Variants in TGFB2 observed in about 807,000 individuals in gnomAD.
TGFB2 encodes the protein transforming growth factor beta-2 proprotein.
In TGFB2, 13 loss-of-function variants were observed where a neutral mutation model predicts 42.7. That is an observed-to-expected ratio of 0.30 (90% CI 0.20 to 0.48). TGFB2 has a LOEUF of 0.48. Among genes scored for constraint, TGFB2 ranks in the 20% least tolerant of loss-of-function variants. The pLI, the probability that TGFB2 is intolerant of heterozygous loss-of-function variation, is 0.99. For missense variants in TGFB2, 390 were observed against 517.5 expected (o/e 0.75, Z 2.39); for synonymous variants, 193 against 193.6 (o/e 1.00, Z 0.03).
At chr1:218,381,234 AG>A (rs1657947313) in intron 1 of TGFB2, among the ~76,000 whole-genome samples, 1 of 151,052 alleles carries the variant, frequency 6.6e-6, no homozygotes, top group Non-Finnish European at 1.5e-5. Flanking sequence ...TATTTGCCAA[AG>A]GCACATTTTT....
intron 1 of TGFB2, among the ~76,000 whole-genome samples, chr1:218,372,937 G>A (rs1325223657): frequency 2.0e-5 from 3 of 152,194 alleles, no homozygotes; most frequent in African/African-American, 4.8e-5. Context: ...AGCACTTTGG[G>A]AGACTGAGGT....
At chr1:218,439,295 A>G (rs898808665) in intron 6 of TGFB2, among the ~76,000 whole-genome samples, 6 of 152,070 alleles carry the variant, frequency 3.9e-5, no homozygotes, top group African/African-American at 1.4e-4. Flanking sequence ...TAGGGTTTCT[A>G]TTCTGCTCTT....
At chr1:218,380,902 G>A (rs1056724775) in intron 1 of TGFB2, among the ~76,000 whole-genome samples, 1 of 152,138 alleles carries the variant, frequency 6.6e-6, no homozygotes, top group African/African-American at 2.4e-5. Flanking sequence ...AGTGCCAAAT[G>A]TTCTGCTTTC....
At chr1:218,363,357 C>G in intron 1 of TGFB2, 2 of 1,614,004 alleles carry the variant, frequency 1.2e-6, no homozygotes, top group Non-Finnish European at 1.7e-6. Flanking sequence ...TGTTACAACA[C>G]CCTCTGGCTC....
At chr1:218,361,001 C>T (rs1278432610) in intron 1 of TGFB2, among the ~76,000 whole-genome samples, 1 of 152,202 alleles carries the variant, frequency 6.6e-6, no homozygotes, top group East Asian at 1.9e-4. Context: ...ACTACAGGCA[C>T]GTGGCACCAC....
At chr1:218,384,124 A>G (rs201549274) in intron 1 of TGFB2, among the ~76,000 whole-genome samples, 1 of 22,320 alleles carries the variant, frequency 4.5e-5, no homozygotes. Flanking sequence ...CATTAAAAAG[A>G]AAAAAAAAAA....
At chr1:218,406,704 G>C (rs958504475) in intron 2 of TGFB2, among the ~76,000 whole-genome samples, 14 of 152,268 alleles carry the variant, frequency 9.2e-5, no homozygotes, top group African/African-American at 3.4e-4. Context: ...GGCAGGAAGG[G>C]CAGGCACTGC....
chr1:218,388,926 T>C (rs1571860950), intron 1 of TGFB2, among the ~76,000 whole-genome samples: 1 of 152,326 alleles, frequency 6.6e-6, no homozygotes, highest in East Asian at 1.9e-4. Context: ...CAGCTGAATG[T>C]GCTTGCCCTT....
intron 1 of TGFB2, among the ~76,000 whole-genome samples, chr1:218,379,283 C>G (rs994920422): frequency 6.6e-6 from 1 of 151,678 alleles, no homozygotes; most frequent in Non-Finnish European, 1.5e-5. Context: ...CAGGCGCCCG[C>G]CACCACACCT....
chr1:218,395,685 C>A (rs2799091), intron 1 of TGFB2, among the ~76,000 whole-genome samples: 29,868 of 150,714 alleles, frequency 0.2, 3,032 homozygotes, highest in South Asian at 0.23. Context: ...AATCTCGGCT[C>A]ACTGCAAGCT....
chr1:218,408,658 C>T (rs777138173), intron 2 of TGFB2, among the ~76,000 whole-genome samples: 26 of 152,074 alleles, frequency 1.7e-4, no homozygotes, highest in Non-Finnish European at 3.1e-4. Flanking sequence ...GAAAGGCAGC[C>T]TCTTGTCTTT....
chr1:218,439,183 T>G (rs1204275635), intron 6 of TGFB2, among the ~76,000 whole-genome samples: 1 of 151,734 alleles, frequency 6.6e-6, no homozygotes, highest in Non-Finnish European at 1.5e-5. Context: ...AACAGAAAAT[T>G]AGTGACAAAC....
intron 1 of TGFB2, among the ~76,000 whole-genome samples, chr1:218,394,546 G>C (rs985681826): frequency 3.3e-5 from 5 of 152,062 alleles, no homozygotes; most frequent in African/African-American, 1.2e-4. Flanking sequence ...ATAGCAGTTA[G>C]ATGAAGGCCA....
At chr1:218,352,449 T>C (rs1393450743) in intron 1 of TGFB2, among the ~76,000 whole-genome samples, 2 of 152,176 alleles carry the variant, frequency 1.3e-5, no homozygotes, top group African/African-American at 4.8e-5. Flanking sequence ...TAAACAATGA[T>C]AGTTTTTAAC....
intron 1 of TGFB2, among the ~76,000 whole-genome samples, chr1:218,358,256 G>T (rs1253808841): frequency 6.6e-6 from 1 of 152,118 alleles, no homozygotes; most frequent in Non-Finnish European, 1.5e-5. Flanking sequence ...AATATTTATT[G>T]TTGCCAAAAC....
intron 1 of TGFB2, among the ~76,000 whole-genome samples, chr1:218,371,482 C>T (rs896317631): frequency 2.0e-5 from 3 of 152,082 alleles, no homozygotes; most frequent in Non-Finnish European, 2.9e-5. Context: ...TGTTATTTCC[C>T]TCCATTTTCA....
chr1:218,355,059 C>A (rs567829052), intron 1 of TGFB2, among the ~76,000 whole-genome samples: 2 of 152,270 alleles, frequency 1.3e-5, no homozygotes, highest in East Asian at 3.9e-4. Flanking sequence ...TGTGCCACCA[C>A]GCCCAGCTAA....
At chr1:218,363,074 T>C (rs184073707) in intron 1 of TGFB2, among the ~76,000 whole-genome samples, 206 of 152,330 alleles carry the variant, frequency 1.4e-3, no homozygotes, top group African/African-American at 4.8e-3. Context: ...TATTTTAACA[T>C]TAGAACGTGC....
chr1:218,422,627 C>T (rs549515407), intron 2 of TGFB2, among the ~76,000 whole-genome samples: 37 of 152,300 alleles, frequency 2.4e-4, no homozygotes, highest in African/African-American at 8.7e-4. Flanking sequence ...CTCCTCTCTA[C>T]AGGAAATCTT....
Sources: allele counts gnomAD v4.1 joint callset (sites outside exome capture counted in the v4.1 genomes callset), GRCh38; gene constraint gnomAD v4.1.1; transcripts MANE v1.5; gene names NCBI Gene and HGNC (gene_info 2026-07-23, HGNC 2026-07-21).